Variants in PADI2 observed in about 807,000 individuals in gnomAD.
PADI2 encodes the protein protein-arginine deiminase type-2.
In PADI2, 70 loss-of-function variants were observed where a neutral mutation model predicts 81.1. The ratio of observed to expected loss-of-function variants is 0.86; its 90% confidence interval spans 0.71 to 1.05. The LOEUF (loss-of-function observed/expected upper bound fraction) is 1.05, where lower values mean the gene tolerates loss of function less well. PADI2 is among the 50% of genes least tolerant of loss of function. The pLI is 0.00. For missense variants in PADI2, 853 were observed against 889.9 expected (o/e 0.96, Z 0.53); for synonymous variants, 338 against 358.0 (o/e 0.94, Z 0.63).
At chr1:17,075,183 C>T in intron 12 of PADI2, 1 of 448,964 alleles carries the variant, frequency 2.2e-6, no homozygotes, top group Non-Finnish European at 4.0e-6. Flanking sequence ...TGGACTTGGA[C>T]AGGACATCTC....
intron 3 of PADI2, among the ~76,000 whole-genome samples, chr1:17,097,105 T>A (rs1212392912): frequency 1.4e-5 from 2 of 139,060 alleles, no homozygotes; most frequent in Non-Finnish European, 2.9e-5. Flanking sequence ...GTCACACACA[T>A]GACATGTGCC....
At chr1:17,092,354 G>A (rs976870888) in intron 6 of PADI2, 54 bp downstream of exon 6, 11 of 1,486,202 alleles carry the variant, frequency 7.4e-6, no homozygotes, top group Non-Finnish European at 1.0e-5. Flanking sequence ...CTGCTAAGGG[G>A]AGGAGGGTAG....
intron 12 of PADI2, chr1:17,075,223 G>A: frequency 2.5e-6 from 1 of 406,370 alleles, no homozygotes; most frequent in Admixed American, 4.2e-5. Flanking sequence ...ACAATTTGCA[G>A]AGAATTTCCA....
At position 17,067,605 on chromosome 1, in the gene PADI2, T is replaced by C. The variant is rs780184377; in HGVS notation, c.*1439A>G. ...AGGGGCAGAGGCTGGCCTTTAAATG[T>C]GGGCTTTGCATGTTGGGGAGTGATG... On this transcript the variant is annotated 3_prime_UTR_variant, in exon 16 of 16. Coordinates refer to ENST00000375486, the MANE Select transcript of PADI2 (RefSeq NM_007365.3). 1 of 152,224 alleles carries C rather than the reference T, an allele frequency of 6.6e-6. No homozygotes were observed. Among genetic ancestry groups the C allele is most frequent in the Non-Finnish European group, 1.5e-5 (1 of 68,058 alleles). 9.4% of individuals were successfully genotyped at this position (152,224 alleles called of 1,614,324 possible).
At chr1:17,098,787 T>G (rs1263319233) in intron 3 of PADI2, among the ~76,000 whole-genome samples, 1 of 152,216 alleles carries the variant, frequency 6.6e-6, no homozygotes, top group African/African-American at 2.4e-5. Flanking sequence ...CCTGTAGTCA[T>G]GCCCATGGGA....
chr1:17,080,283 G>A (rs985528086), intron 10 of PADI2, among the ~76,000 whole-genome samples: 1 of 152,230 alleles, frequency 6.6e-6, no homozygotes, highest in African/African-American at 2.4e-5. Flanking sequence ...ACTTGGTCAC[G>A]TGACTTGCTT....
At chr1:17,070,897 G>A (rs2078260509) in intron 14 of PADI2, among the ~76,000 whole-genome samples, 1 of 152,130 alleles carries the variant, frequency 6.6e-6, no homozygotes, top group Non-Finnish European at 1.5e-5. Flanking sequence ...CCTGACCTCA[G>A]GTGATCTGCC....
At chr1:17,084,269 A>G (rs949893249) in intron 8 of PADI2, among the ~76,000 whole-genome samples, 1 of 152,228 alleles carries the variant, frequency 6.6e-6, no homozygotes, top group African/African-American at 2.4e-5. Context: ...GGTCAATAAA[A>G]GTCTGTTTAA....
intron 1 of PADI2, among the ~76,000 whole-genome samples, chr1:17,110,905 G>A (rs1229780383): frequency 6.6e-6 from 1 of 152,042 alleles, no homozygotes; most frequent in Non-Finnish European, 1.5e-5. Context: ...TGGGCACACC[G>A]TAAGTATAAA....
At chr1:17,081,095 A>T (rs979817490) in intron 10 of PADI2, among the ~76,000 whole-genome samples, 6 of 152,224 alleles carry the variant, frequency 3.9e-5, no homozygotes, top group African/African-American at 1.4e-4. Context: ...AGCCTGGAAT[A>T]CTGAAGGCAG....
intron 10 of PADI2, among the ~76,000 whole-genome samples, chr1:17,080,583 C>T (rs561323663): frequency 1.3e-5 from 2 of 152,332 alleles, no homozygotes; most frequent in African/African-American, 4.8e-5. Context: ...CTGACCAATA[C>T]ATGCAAAAGT....
Position 17,066,964 on chromosome 1 carries a change from C to A in PADI2, c.*2080G>T, listed in dbSNP as rs1183044630. The A allele has an allele frequency of 6.6e-6, 1 of 151,944 alleles. No individual in the cohort carries two copies. The highest frequency in any genetic ancestry group is 1.5e-5 in the Non-Finnish European group (1 of 68,006). 9.4% of individuals were successfully genotyped at this position (151,944 alleles called of 1,614,324 possible). ...TTAGCTGAGTTTTGCAACAGAGAAG[C>A]GTATTCTAGGCCTACATTTATAGAA... is the stretch of plus-strand genomic sequence containing the variant. On this transcript the variant is annotated 3_prime_UTR_variant, in exon 16 of 16. Transcript: ENST00000375486.
rs1265574995 is a variant in PADI2 at position 17,067,256 on chromosome 1, A to T, written c.*1788T>A. 3 of 36,792 alleles carry T rather than the reference A, an allele frequency of 8.2e-5. No individual in the cohort carries two copies. Among genetic ancestry groups the T allele is most frequent in the Non-Finnish European group, 2.8e-4 (3 of 10,726 alleles). 2.3% of individuals were successfully genotyped at this position (36,792 alleles called of 1,614,324 possible). On this transcript the variant is annotated 3_prime_UTR_variant, in exon 16 of 16. Coordinates refer to ENST00000375486, the MANE Select transcript of PADI2 (RefSeq NM_007365.3). ...ACCCATAAACCCACATTAACCAAAC[A>T]CACACACACACATGACAAACTCTAA... is the stretch of plus-strand genomic sequence containing the variant.
chr1:17,106,031 T>C (rs1437755719), intron 1 of PADI2, among the ~76,000 whole-genome samples: 6 of 152,134 alleles, frequency 3.9e-5, no homozygotes, highest in Admixed American at 2.0e-4. Flanking sequence ...CCTGTCTCCC[T>C]GCCCAGGGTC....
At chr1:17,077,014 C>T (rs1213984538) in intron 11 of PADI2, among the ~76,000 whole-genome samples, 1 of 152,126 alleles carries the variant, frequency 6.6e-6, no homozygotes, top group African/African-American at 2.4e-5. Context: ...CGCTTCCCTC[C>T]CTTCCCCCGG....
Position 17,082,588 on chromosome 1 carries a change from G to A in PADI2, c.1115C>T (p.Pro372Leu). The change falls in exon 10 of 16, where the codon CCC (proline) becomes CTC (leucine). Residue 372 changes from proline to leucine, a missense_variant. Physicochemically the swap from Pro to Leu is moderately conservative, Grantham distance 98. Coordinates refer to ENST00000375486, the MANE Select transcript of PADI2 (RefSeq NM_007365.3). ...HKGFPVVLDSPRDGNLKDFPV... is the reference protein window; with the variant it reads ...HKGFPVVLDSLRDGNLKDFPV... ...GAAGTCCTTTAGGTTTCCATCTCGG[G>A]GAGAGTCCAGCACCACGGGGAAGCC... 6.2e-7 allele frequency: 1 copy of A among 1,613,580 alleles called. No individual in the cohort carries two copies. Among genetic ancestry groups the A allele is most frequent in the Non-Finnish European group, 8.5e-7 (1 of 1,179,748 alleles).
At position 17,096,432 on chromosome 1, in the gene PADI2, G is replaced by A. The variant is rs574206786; in HGVS notation, c.350-462C>T. ...CCAAACTGCCTTTCTCAGTCTACCCGGGCATGCGCATAGGTGTGCACATGT... is the reference window on the plus strand; with the variant it reads ...CCAAACTGCCTTTCTCAGTCTACCCAGGCATGCGCATAGGTGTGCACATGT... On this transcript the variant is annotated intron_variant, in intron 3 of 15. Coordinates refer to ENST00000375486, the MANE Select transcript of PADI2 (RefSeq NM_007365.3). Among the ~76,000 whole-genome samples, 164 of 152,360 alleles carry A rather than the reference G, an allele frequency of 1.1e-3. 2 individuals carry two copies. Among genetic ancestry groups the A allele is most frequent in the African/African-American group, 3.9e-3 (163 of 41,584 alleles).
intron 10 of PADI2, among the ~76,000 whole-genome samples, chr1:17,080,814 G>A (rs2078338791): frequency 6.6e-6 from 1 of 152,252 alleles, no homozygotes; most frequent in African/African-American, 2.4e-5. Context: ...CTGGGGTTGG[G>A]ATGAAGCTTG....
At chr1:17,080,996 C>T (rs2078339688) in intron 10 of PADI2, among the ~76,000 whole-genome samples, 1 of 152,196 alleles carries the variant, frequency 6.6e-6, no homozygotes, top group African/African-American at 2.4e-5. Flanking sequence ...GGCTCTGCAG[C>T]ACCATACAGG....
Sources: allele counts gnomAD v4.1 joint callset (sites outside exome capture counted in the v4.1 genomes callset), GRCh38; gene constraint gnomAD v4.1.1; transcripts MANE v1.5; gene names NCBI Gene and HGNC (gene_info 2026-07-23, HGNC 2026-07-21).